Variants in PDE3B observed in about 807,000 individuals in gnomAD.
The protein encoded by PDE3B is cGMP-inhibited 3',5'-cyclic phosphodiesterase 3B.
In PDE3B, 66 loss-of-function variants were observed where a neutral mutation model predicts 116.8. That is an observed-to-expected ratio of 0.56 (90% CI 0.46 to 0.69). The LOEUF (loss-of-function observed/expected upper bound fraction) is 0.69. Ranked by LOEUF, PDE3B falls within the 30% of genes least tolerant of loss-of-function variation. PDE3B has a pLI of 0.00. For synonymous variants in PDE3B, 595 were observed against 533.6 expected, an observed-to-expected ratio of 1.12 and a Z score of -1.59; for missense variants, 1,384 against 1,368.1, an observed-to-expected ratio of 1.01 and a Z score of -0.18.
At chr11:14,855,816 G>C (rs1847838363) in intron 12 of PDE3B, among the ~76,000 whole-genome samples, 1 of 152,180 alleles carries the variant, frequency 6.6e-6, no homozygotes, top group Non-Finnish European at 1.5e-5. Context: ...TCTATATTCA[G>C]CTAAGCTACC....
the PDE3B span, chr11:14,886,773 T>C: frequency 6.6e-6 from 1 of 152,280 alleles, no homozygotes; most frequent in Non-Finnish European, 1.5e-5. Context: ...ACAAGCCTTA[T>C]CCCTGTGCAA....
chr11:14,724,535 A>C (rs1590092024), intron 1 of PDE3B, among the ~76,000 whole-genome samples: 1 of 152,282 alleles, frequency 6.6e-6, no homozygotes, highest in East Asian at 1.9e-4. Flanking sequence ...AGCATTTCAG[A>C]TTTTGGATAT....
intron 11 of PDE3B, among the ~76,000 whole-genome samples, chr11:14,836,879 G>T (rs890497987): frequency 6.6e-6 from 1 of 152,244 alleles, no homozygotes; most frequent in East Asian, 1.9e-4. Flanking sequence ...GCTTGATCTC[G>T]GCTCACCGCA....
At chr11:14,866,426 A>T (rs547541183) in intron 14 of PDE3B, among the ~76,000 whole-genome samples, 61 of 152,288 alleles carry the variant, frequency 4.0e-4, no homozygotes, top group African/African-American at 1.3e-3. Context: ...TATACTAATT[A>T]TACTGTCTTT....
intron 7 of PDE3B, among the ~76,000 whole-genome samples, chr11:14,820,648 G>A (rs907004116): frequency 2.0e-5 from 3 of 152,122 alleles, no homozygotes; most frequent in African/African-American, 7.2e-5. Flanking sequence ...GACGGTATTG[G>A]GAGGTAAGGC....
intron 1 of PDE3B, among the ~76,000 whole-genome samples, chr11:14,657,782 A>G (rs2133756697): frequency 6.6e-6 from 1 of 152,354 alleles, no homozygotes; most frequent in South Asian, 2.1e-4. Context: ...ATTTTAAATA[A>G]TAAAACAGGC....
At chr11:14,813,264 T>C (rs758499820) in intron 5 of PDE3B, among the ~76,000 whole-genome samples, 4 of 152,202 alleles carry the variant, frequency 2.6e-5, no homozygotes, top group Admixed American at 6.5e-5. Context: ...ATTGATCTCA[T>C]TGGGCCCAAA....
rs566380696 is a variant in PDE3B at position 14,871,921 on chromosome 11, G to C, written c.*2261G>C. On this transcript the variant is annotated 3_prime_UTR_variant, in exon 16 of 16. Coordinates refer to ENST00000282096, the MANE Select transcript of PDE3B (RefSeq NM_000922.4). ...TGTTACTGAATCAGATTAATTTCTT[G>C]TTATAATAATTTTCATCATAAATTT... 7.2e-5 allele frequency: 11 copies of C among 152,172 alleles called. No individual in the cohort carries two copies. The highest frequency in any genetic ancestry group is 1.5e-4 in the Non-Finnish European group (10 of 67,974). 9.4% of individuals were successfully genotyped at this position (152,172 alleles called of 1,614,324 possible). A position where few individuals can be genotyped will look rare whatever the true frequency, so the allele number is the denominator to read the frequency against.
chr11:14,692,142 C>T (rs1855056391), intron 1 of PDE3B, among the ~76,000 whole-genome samples: 1 of 152,000 alleles, frequency 6.6e-6, no homozygotes. Flanking sequence ...GGCATGGTGG[C>T]ATGTATCTGT....
chr11:14,848,535 G>A (rs1426802352), intron 12 of PDE3B, among the ~76,000 whole-genome samples: 1 of 152,028 alleles, frequency 6.6e-6, no homozygotes, highest in African/African-American at 2.4e-5. Context: ...ATTAGGAAAA[G>A]AGGAAGTCAA....
chr11:14,836,896 G>T (rs1317098456), intron 11 of PDE3B, among the ~76,000 whole-genome samples: 1 of 152,170 alleles, frequency 6.6e-6, no homozygotes, highest in Non-Finnish European at 1.5e-5. Context: ...CGCAACCTCC[G>T]CCTCCTAGGC....
intron 1 of PDE3B, among the ~76,000 whole-genome samples, chr11:14,702,470 T>C (rs1301501596): frequency 6.6e-6 from 1 of 151,798 alleles, no homozygotes; most frequent in African/African-American, 2.4e-5. Flanking sequence ...CCAGGAATTA[T>C]AATGAGAGAA....
At chr11:14,655,034 G>A (rs968243044) in intron 1 of PDE3B, among the ~76,000 whole-genome samples, 6 of 151,986 alleles carry the variant, frequency 3.9e-5, no homozygotes, top group African/African-American at 7.3e-5. Context: ...ATACTACCAC[G>A]AATCACAATA....
chr11:14,897,789 C>G, the PDE3B span, among the ~76,000 whole-genome samples: 1 of 152,080 alleles, frequency 6.6e-6, no homozygotes, highest in East Asian at 1.9e-4. Flanking sequence ...CTCAAACCCA[C>G]CCTCCTCAGG....
At chr11:14,833,752 A>G (rs181637022) in intron 10 of PDE3B, among the ~76,000 whole-genome samples, 5 of 152,342 alleles carry the variant, frequency 3.3e-5, no homozygotes, top group Admixed American at 3.3e-4. Context: ...TTATTCTTCA[A>G]TTGGCATAAC....
the PDE3B span, chr11:14,879,149 A>G: frequency 1.2e-6 from 2 of 1,613,232 alleles, no homozygotes; most frequent in Non-Finnish European, 1.7e-6. Flanking sequence ...CTTCTTGGCA[A>G]AATATCCACT....
At chr11:14,753,563 A>G (rs1857110494) in intron 1 of PDE3B, among the ~76,000 whole-genome samples, 1 of 152,114 alleles carries the variant, frequency 6.6e-6, no homozygotes, top group Non-Finnish European at 1.5e-5. Flanking sequence ...TTCCTTAGGT[A>G]AATATTAGGC....
At chr11:14,740,590 T>C (rs1217251990) in intron 1 of PDE3B, among the ~76,000 whole-genome samples, 1 of 152,218 alleles carries the variant, frequency 6.6e-6, no homozygotes, top group Admixed American at 6.5e-5. Flanking sequence ...ATTTTTTGTG[T>C]CTCTATCTCC....
chr11:14,706,730 C>G (rs574927787), intron 1 of PDE3B, among the ~76,000 whole-genome samples: 4 of 152,052 alleles, frequency 2.6e-5, no homozygotes, highest in African/African-American at 9.6e-5. Flanking sequence ...TACTTATTAT[C>G]AATTCATTAG....
Sources: allele counts gnomAD v4.1 joint callset (sites outside exome capture counted in the v4.1 genomes callset), GRCh38; gene constraint gnomAD v4.1.1; transcripts MANE v1.5; gene names NCBI Gene and HGNC (gene_info 2026-07-23, HGNC 2026-07-21).